EBF4: variants seen among roughly 807,000 people sequenced by gnomAD.
EBF4 encodes transcription factor COE4.
A neutral mutation model predicts 67.1 loss-of-function variants in EBF4; 34 were observed. The ratio of observed to expected loss-of-function variants is 0.51; its 90% CI spans 0.39 to 0.67. The LOEUF (loss-of-function observed/expected upper bound fraction) is 0.67. EBF4 is among the 30% of genes least tolerant of loss of function. EBF4 has a pLI of 0.00. For synonymous variants in EBF4, 387 were observed against 377.7 expected, an observed-to-expected ratio of 1.02 and a Z score of -0.29; for missense variants, 837 against 873.3, an observed-to-expected ratio of 0.96 and a Z score of 0.52.
intron 6 of EBF4, among the ~76,000 whole-genome samples, chr20:2,734,588 T>G (rs1031776066): frequency 1.3e-5 from 2 of 152,326 alleles, no homozygotes; most frequent in African/African-American, 4.8e-5. Context: ...ACTCTGGCAA[T>G]CAGATCCTCC....
In EBF4 at chr20:2,751,550, G is replaced by A. The variant is rs1269786679; in HGVS notation, c.1019-150G>A. The A allele has an allele frequency of 1.1e-5, 8 of 733,034 alleles. No individual in the cohort carries two copies. The highest frequency in any genetic ancestry group is 1.8e-5 in the Non-Finnish European group (8 of 446,612). The allele number at this position is 733,034 out of a possible 1,614,324, so 45.4% of individuals were successfully genotyped here. A position where few individuals can be genotyped will look rare whatever the true frequency, so the allele number is the denominator to read the frequency against. On this transcript the variant is annotated intron_variant, in intron 10 of 16. Transcript: ENST00000609451. The surrounding 1 kb of genome is among the most constrained non-coding windows in gnomAD (Gnocchi z 5.2). ...AATCTCGCTGCCGGGGGTGCCTGGAGTTTTCCGGGGGACTTGGGCTGGGCC... is the reference window on the plus strand; with the variant it reads ...AATCTCGCTGCCGGGGGTGCCTGGAATTTTCCGGGGGACTTGGGCTGGGCC...
At chr20:2,752,222 T>G in exon 13 of EBF4, 2 of 1,359,224 alleles carry the variant, frequency 1.5e-6, no homozygotes, top group Non-Finnish European at 1.9e-6. Context: ...AGCAGCCCGC[T>G]GGCCATCGCC....
intron 6 of EBF4, among the ~76,000 whole-genome samples, chr20:2,722,493 G>T (rs79024350): frequency 2.0e-5 from 3 of 152,054 alleles, no homozygotes; most frequent in African/African-American, 2.4e-5. Flanking sequence ...AGGTTCCTCC[G>T]CAAATCTCTA....
intron 1 of EBF4, among the ~76,000 whole-genome samples, chr20:2,698,673 T>C (rs934209154): frequency 2.0e-5 from 3 of 152,016 alleles, no homozygotes; most frequent in South Asian, 2.1e-4. Context: ...AGGGATGAGA[T>C]GCAGGAGTTT....
chr20:2,702,729 G>A (rs2087394085), intron 1 of EBF4, among the ~76,000 whole-genome samples: 1 of 152,004 alleles, frequency 6.6e-6, no homozygotes, highest in Admixed American at 6.5e-5. Flanking sequence ...GGTGACTGTG[G>A]CAGCCATTGT....
intron 1 of EBF4, among the ~76,000 whole-genome samples, chr20:2,702,003 G>A (rs1418775148): frequency 2.6e-5 from 4 of 152,214 alleles, no homozygotes; most frequent in Admixed American, 6.5e-5. Flanking sequence ...GCTGGGGAGC[G>A]GGTGAGGGGC....
intron 6 of EBF4, among the ~76,000 whole-genome samples, chr20:2,710,563 GTT>G (rs11475156): frequency 9.9e-4 from 146 of 147,234 alleles, no homozygotes; most frequent in African/African-American, 3.3e-3. Flanking sequence ...TACTGTACAT[GTT>G]TTTTTTTTTT....
In EBF4 at chr20:2,751,016, G is replaced by A. The variant is rs1600243576; in HGVS notation, c.1019-684G>A. On this transcript the variant is annotated intron_variant, in intron 10 of 16. Transcript: ENST00000609451. This position sits in a 1 kb window ranked among gnomAD's most constrained non-coding sequence, Gnocchi z 5.2. ...CCAGGCTATCTGAAAAGGGCGGTGC[G>A]GGGATCAGGAAAAGGGGAAGGAGGA... Among the ~76,000 whole-genome samples, 1 of 152,280 alleles carries A rather than the reference G, an allele frequency of 6.6e-6. No individual in the cohort carries two copies. Among genetic ancestry groups the A allele is most frequent in the East Asian group, 1.9e-4 (1 of 5,172 alleles).
At chr20:2,752,769 C>T (rs993243035) in intron 14 of EBF4, among the ~76,000 whole-genome samples, 3 of 152,258 alleles carry the variant, frequency 2.0e-5, no homozygotes, top group Non-Finnish European at 4.4e-5. Context: ...GGCCAGAGTA[C>T]TCCGTGCACT....
At chr20:2,706,526 G>A (rs116510376) in intron 4 of EBF4, among the ~76,000 whole-genome samples, 5,222 of 152,264 alleles carry the variant, frequency 0.034, 308 homozygotes, top group African/African-American at 0.12. Flanking sequence ...GGGAACTCAG[G>A]TGCAGGTAGT....
chr20:2,753,496 G>A (rs2088190171), intron 14 of EBF4, among the ~76,000 whole-genome samples: 2 of 152,256 alleles, frequency 1.3e-5, no homozygotes, highest in South Asian at 4.1e-4. Flanking sequence ...TGTATGCAAA[G>A]CCCAGGGCTT....
At chr20:2,702,717 G>A (rs2087393897) in intron 1 of EBF4, among the ~76,000 whole-genome samples, 1 of 152,208 alleles carries the variant, frequency 6.6e-6, no homozygotes, top group Non-Finnish European at 1.5e-5. Context: ...ATAGTAAGTA[G>A]TGGTGACTGT....
At chr20:2,738,596 T>C (rs1056402738) in intron 6 of EBF4, among the ~76,000 whole-genome samples, 11 of 151,962 alleles carry the variant, frequency 7.2e-5, no homozygotes, top group Non-Finnish European at 1.5e-4. Flanking sequence ...CACTCCACCC[T>C]TCCTCCTCTC....
chr20:2,718,921 TCTC>T (rs1369211293), intron 6 of EBF4, among the ~76,000 whole-genome samples: 4 of 151,990 alleles, frequency 2.6e-5, no homozygotes, highest in Non-Finnish European at 4.4e-5. Flanking sequence ...GACATACACT[TCTC>T]CTCAAGTACT....
Position 2,706,195 on chromosome 20 carries a change from T to C in EBF4, c.359-14T>C. 1 of 1,552,106 alleles carries C rather than the reference T, an allele frequency of 6.4e-7. No individual in the cohort carries two copies. The highest frequency in any genetic ancestry group is 8.7e-7 in the Non-Finnish European group (1 of 1,147,070). Reference sequence around the variant, plus strand: ...CTCCCCCAGCAGCAAGCCCTCTCCATCTTCCCATCCTAGGACTGCGGACAG... The same window carrying C: ...CTCCCCCAGCAGCAAGCCCTCTCCACCTTCCCATCCTAGGACTGCGGACAG... On this transcript the variant is annotated splice_polypyrimidine_tract_variant and intron_variant, in intron 3 of 16. Transcript: ENST00000609451.
At chr20:2,759,638 G>C (rs1373500051), downstream of EBF4, 1 of 153,002 alleles carries the variant, frequency 6.5e-6, no homozygotes, top group Non-Finnish European at 1.5e-5. Flanking sequence ...CCGTGGGAAA[G>C]AGGACAGCTC....
chr20:2,703,290 G>A (rs931773780), intron 1 of EBF4, among the ~76,000 whole-genome samples: 2 of 147,874 alleles, frequency 1.4e-5, no homozygotes, highest in African/African-American at 5.0e-5. Context: ...GTTACTCCAA[G>A]CTGAGTATGG....
intron 6 of EBF4, among the ~76,000 whole-genome samples, chr20:2,718,411 CT>C (rs755584194): frequency 3.9e-5 from 6 of 152,138 alleles, no homozygotes; most frequent in Non-Finnish European, 7.3e-5. Context: ...ATAAAGCCAT[CT>C]GGGGCTGGAG....
At chr20:2,733,331 T>A (rs1315936435) in intron 6 of EBF4, among the ~76,000 whole-genome samples, 2 of 152,168 alleles carry the variant, frequency 1.3e-5, no homozygotes, top group African/African-American at 4.8e-5. Context: ...GCTTCTCAGA[T>A]CCTTTCTTTT....
Sources: gnomAD v4.1 joint callset for allele counts (sites outside exome capture counted in the v4.1 genomes callset) on GRCh38, gnomAD v4.1.1 for gene constraint, Gnocchi (gnomAD v3.1) non-coding constraint, MANE v1.5 for transcripts, NCBI Gene and HGNC (gene_info 2026-07-23, HGNC 2026-07-21) for gene names.